CNTN5: variants seen among roughly 807,000 people sequenced by gnomAD.
The protein encoded by CNTN5 is contactin 5, also known as contactin-5.
Under a neutral mutation model 129.1 loss-of-function variants are expected in CNTN5, and 77 were observed. That is an observed-to-expected ratio of 0.60 (90% CI 0.50 to 0.72). CNTN5 has a LOEUF of 0.72. Ranked by LOEUF, CNTN5 falls within the 30% of genes least tolerant of loss-of-function variation. The probability of loss-of-function intolerance (pLI) is 0.00; values close to 1 mark genes in which losing one functional copy is unlikely to be tolerated. For missense variants in CNTN5, 1,478 were observed against 1,328.8 expected (o/e 1.11, Z -1.75); for synonymous variants, 509 against 465.6 (o/e 1.09, Z -1.20).
intron 15 of CNTN5, among the ~76,000 whole-genome samples, chr11:100,203,223 G>T (rs958797807): frequency 6.6e-6 from 1 of 151,940 alleles, no homozygotes; most frequent in South Asian, 2.1e-4. Context: ...TGTTCTGTGG[G>T]TGTGTTTTCC....
At chr11:99,985,254 T>G (rs2137381566) in intron 8 of CNTN5, among the ~76,000 whole-genome samples, 1 of 152,226 alleles carries the variant, frequency 6.6e-6, no homozygotes, top group Admixed American at 6.5e-5. Flanking sequence ...CACAGACACT[T>G]GAAGGATGGC....
intron 8 of CNTN5, among the ~76,000 whole-genome samples, chr11:99,974,575 C>T (rs1356588399): frequency 6.6e-6 from 1 of 152,150 alleles, no homozygotes; most frequent in African/African-American, 2.4e-5. Context: ...CTTCTCACTT[C>T]TGCAAGAAGG....
At chr11:100,239,709 T>G (rs1395568009) in intron 16 of CNTN5, among the ~76,000 whole-genome samples, 2 of 152,182 alleles carry the variant, frequency 1.3e-5, no homozygotes, top group Non-Finnish European at 2.9e-5. Flanking sequence ...GTGAATGACT[T>G]TCAAGTTATT....
intron 3 of CNTN5, among the ~76,000 whole-genome samples, chr11:99,773,940 C>A (rs968680594): frequency 6.6e-6 from 1 of 151,982 alleles, no homozygotes; most frequent in African/African-American, 2.4e-5. Context: ...GCTTTTCATG[C>A]CTATGTAAGT....
At chr11:100,006,991 TC>T (rs1940232827) in intron 9 of CNTN5, among the ~76,000 whole-genome samples, 2 of 152,106 alleles carry the variant, frequency 1.3e-5, no homozygotes, top group African/African-American at 4.8e-5. Context: ...CTCATCTACA[TC>T]AGAACTCTTG....
At chr11:99,097,439 G>A (rs1351516512) in intron 1 of CNTN5, among the ~76,000 whole-genome samples, 1 of 151,792 alleles carries the variant, frequency 6.6e-6, no homozygotes, top group Non-Finnish European at 1.5e-5. Context: ...TTATTACAAT[G>A]ATTTAATTTT....
At chr11:99,093,944 A>G (rs551676905) in intron 1 of CNTN5, among the ~76,000 whole-genome samples, 1 of 151,932 alleles carries the variant, frequency 6.6e-6, no homozygotes, top group Non-Finnish European at 1.5e-5. Flanking sequence ...AGTACTTAAA[A>G]CTCTGTGAGG....
chr11:99,897,892 G>A (rs1414124269), intron 6 of CNTN5, among the ~76,000 whole-genome samples: 2 of 152,082 alleles, frequency 1.3e-5, no homozygotes, highest in African/African-American at 2.4e-5. Flanking sequence ...GCTGTCTTCA[G>A]GAGACCTATC....
chr11:99,815,298 G>A lies in CNTN5; in HGVS notation c.56-4246G>A, dbSNP rs1218839976. On this transcript the variant is annotated intron_variant, in intron 3 of 24. Transcript: ENST00000524871. Reference sequence around the variant, plus strand: ...GAGCGTTAGATAAAGTCCTATCAATGAAACAACATTTCCCACTTATTTATG... The same window carrying A: ...GAGCGTTAGATAAAGTCCTATCAATAAAACAACATTTCCCACTTATTTATG... Among the ~76,000 whole-genome samples, 5 of 152,228 alleles carry A rather than the reference G, an allele frequency of 3.3e-5. No individual in the cohort carries two copies. In the East Asian group the frequency reaches 7.7e-4, roughly 24 times the overall value.
chr11:99,113,032 G>GA (rs1355071046), intron 1 of CNTN5, among the ~76,000 whole-genome samples: 2 of 152,068 alleles, frequency 1.3e-5, no homozygotes, highest in African/African-American at 2.4e-5. Context: ...ATAGTCATAC[G>GA]AAAGGCAACC....
intron 1 of CNTN5, among the ~76,000 whole-genome samples, chr11:99,130,530 C>T (rs1472403889): frequency 1.3e-5 from 2 of 152,030 alleles, no homozygotes; most frequent in Non-Finnish European, 2.9e-5. Flanking sequence ...AATGTAATGC[C>T]CTACTGTCAG....
intron 1 of CNTN5, among the ~76,000 whole-genome samples, chr11:99,233,548 T>C (rs1276511062): frequency 6.6e-5 from 10 of 152,202 alleles, no homozygotes; most frequent in Non-Finnish European, 1.3e-4. Flanking sequence ...TTCTGTATAA[T>C]GTGCCCAGAG....
chr11:100,350,440 C>G (rs911598928), intron 23 of CNTN5, among the ~76,000 whole-genome samples: 2 of 151,692 alleles, frequency 1.3e-5, no homozygotes, highest in African/African-American at 4.8e-5. Context: ...TCCACTCTAT[C>G]ATATTTAAGT....
chr11:99,652,522 C>T (rs117079062), intron 3 of CNTN5, among the ~76,000 whole-genome samples: 4,424 of 152,080 alleles, frequency 0.029, 99 homozygotes, highest in Non-Finnish European at 0.04. Context: ...GTACATCTCA[C>T]GATCCTGTCA....
At chr11:100,252,294 C>T (rs900209702) in intron 16 of CNTN5, among the ~76,000 whole-genome samples, 1 of 152,112 alleles carries the variant, frequency 6.6e-6, no homozygotes, top group Non-Finnish European at 1.5e-5. Flanking sequence ...GTTTGAGTTC[C>T]TCATATATGC....
At chr11:99,188,901 A>G (rs1030487876) in intron 1 of CNTN5, among the ~76,000 whole-genome samples, 1 of 151,838 alleles carries the variant, frequency 6.6e-6, no homozygotes, top group East Asian at 1.9e-4. Context: ...AATATAATAC[A>G]TTTTTATTAA....
At chr11:99,698,149 C>T (rs1457963341) in intron 3 of CNTN5, among the ~76,000 whole-genome samples, 1 of 150,698 alleles carries the variant, frequency 6.6e-6, no homozygotes, top group Non-Finnish European at 1.5e-5. Flanking sequence ...CCACCAAAAT[C>T]TCGGAGTTTT....
At chr11:99,985,479 G>A (rs1345683561) in intron 8 of CNTN5, among the ~76,000 whole-genome samples, 2 of 152,152 alleles carry the variant, frequency 1.3e-5, no homozygotes, top group African/African-American at 4.8e-5. Flanking sequence ...GGCACAGGAT[G>A]ATGGGTAGGG....
intron 9 of CNTN5, among the ~76,000 whole-genome samples, chr11:100,055,064 T>A (rs1943149583): frequency 6.8e-6 from 1 of 146,892 alleles, no homozygotes; most frequent in African/African-American, 2.5e-5. Context: ...CAAATGTATG[T>A]CCAGGAGACC....
Sources: gnomAD v4.1 joint callset for allele counts (sites outside exome capture counted in the v4.1 genomes callset) on GRCh38, gnomAD v4.1.1 for gene constraint, MANE v1.5 for transcripts, NCBI Gene and HGNC (gene_info 2026-07-23, HGNC 2026-07-21) for gene names.